The following HS3ST4 variants were observed in gnomAD, a reference collection of about 807,000 sequenced individuals.
HS3ST4 encodes heparan sulfate glucosamine 3-O-sulfotransferase 4.
HS3ST4 carries 17 observed loss-of-function variants against 29.2 expected under a neutral mutation model. That is an observed-to-expected ratio of 0.58 (90% CI 0.40 to 0.87). The LOEUF (loss-of-function observed/expected upper bound fraction) is 0.87. Among genes scored for constraint, HS3ST4 ranks in the 40% least tolerant of loss-of-function variants. The pLI, the probability that HS3ST4 is intolerant of heterozygous loss-of-function variation, is 0.00. For synonymous variants in HS3ST4, 314 were observed against 285.7 expected, an observed-to-expected ratio of 1.10 and a Z score of -1.00; for missense variants, 627 against 634.5, an observed-to-expected ratio of 0.99 and a Z score of 0.13.
At chr16:26,066,798 C>T (rs566010756) in intron 1 of HS3ST4, among the ~76,000 whole-genome samples, 1 of 152,352 alleles carries the variant, frequency 6.6e-6, no homozygotes, top group East Asian at 1.9e-4. Flanking sequence ...GAGCCTCACT[C>T]TACATTCTTT....
chr16:26,091,871 A>G (rs1898861044), intron 1 of HS3ST4, among the ~76,000 whole-genome samples: 1 of 152,146 alleles, frequency 6.6e-6, no homozygotes, highest in South Asian at 2.1e-4. Context: ...ATATTTATTG[A>G]GCGCCTGCTC....
At chr16:25,762,799 C>T (rs1047996658) in intron 1 of HS3ST4, among the ~76,000 whole-genome samples, 2 of 144,350 alleles carry the variant, frequency 1.4e-5, no homozygotes, top group South Asian at 4.4e-4. Context: ...ATCCTTTGAA[C>T]TCAGGAGGTT....
At chr16:25,906,478 T>G (rs1968182099) in intron 1 of HS3ST4, among the ~76,000 whole-genome samples, 1 of 152,218 alleles carries the variant, frequency 6.6e-6, no homozygotes, top group Non-Finnish European at 1.5e-5. Flanking sequence ...GGATCCAGGA[T>G]GCTGGGTTAG....
intron 1 of HS3ST4, 42 bp downstream of exon 1, chr16:25,693,193 G>A: frequency 1.3e-6 from 2 of 1,503,890 alleles, no homozygotes; most frequent in Middle Eastern, 3.9e-4. Flanking sequence ...ACGCGTGGGG[G>A]AGACGCGGAG....
intron 1 of HS3ST4, among the ~76,000 whole-genome samples, chr16:25,953,356 C>T (rs1028341841): frequency 3.3e-5 from 5 of 152,332 alleles, no homozygotes; most frequent in African/African-American, 1.2e-4. Flanking sequence ...TGAACAGTGA[C>T]AAGCTGGCTT....
intron 1 of HS3ST4, among the ~76,000 whole-genome samples, chr16:25,906,182 C>T (rs537132146): frequency 3.9e-5 from 6 of 152,228 alleles, no homozygotes; most frequent in Admixed American, 6.5e-5. Flanking sequence ...ATCTTTTGTC[C>T]TTGATCCTAA....
intron 1 of HS3ST4, among the ~76,000 whole-genome samples, chr16:25,764,925 G>T (rs1179131621): frequency 6.6e-6 from 1 of 152,200 alleles, no homozygotes; most frequent in Admixed American, 6.5e-5. Context: ...CCGGCAAGAG[G>T]CTACCTTCTG....
chr16:26,066,268 A>G (rs2141773670), intron 1 of HS3ST4, among the ~76,000 whole-genome samples: 1 of 152,346 alleles, frequency 6.6e-6, no homozygotes, highest in East Asian at 1.9e-4. Context: ...TAGATAAAGG[A>G]AGTCCTACAT....
chr16:26,005,392 G>C (rs765539219), intron 1 of HS3ST4, among the ~76,000 whole-genome samples: 41 of 152,142 alleles, frequency 2.7e-4, no homozygotes, highest in Non-Finnish European at 5.1e-4. Flanking sequence ...ACTAAGTGAC[G>C]GGAGATAAGC....
intron 1 of HS3ST4, among the ~76,000 whole-genome samples, chr16:25,815,662 G>A (rs571169315): frequency 6.6e-6 from 1 of 152,302 alleles, no homozygotes; most frequent in South Asian, 2.1e-4. Flanking sequence ...ATATATGACT[G>A]TATGAACCCT....
chr16:25,920,329 C>G (rs1968333981), intron 1 of HS3ST4, among the ~76,000 whole-genome samples: 1 of 152,156 alleles, frequency 6.6e-6, no homozygotes, highest in South Asian at 2.1e-4. Flanking sequence ...TATGGTCTGT[C>G]ATCTGGCTCC....
chr16:25,740,735 T>G (rs548173481), intron 1 of HS3ST4, among the ~76,000 whole-genome samples: 165 of 152,150 alleles, frequency 1.1e-3, no homozygotes, highest in Non-Finnish European at 2.2e-3. Flanking sequence ...TCCCTGATAC[T>G]CATAAGGAAA....
intron 1 of HS3ST4, among the ~76,000 whole-genome samples, chr16:25,894,298 T>A (rs1004716534): frequency 6.6e-6 from 1 of 152,066 alleles, no homozygotes; most frequent in Non-Finnish European, 1.5e-5. Flanking sequence ...AATAAAACAG[T>A]CTAGTATGCA....
intron 1 of HS3ST4, among the ~76,000 whole-genome samples, chr16:25,942,626 C>CT (rs1025516216): frequency 6.4e-5 from 9 of 141,238 alleles, no homozygotes; most frequent in East Asian, 2.1e-4. Context: ...TTTTTCTTTC[C>CT]TTTTTTTTTA....
intron 1 of HS3ST4, among the ~76,000 whole-genome samples, chr16:25,809,543 CCTCTT>C (rs1322291176): frequency 6.6e-6 from 1 of 152,018 alleles, no homozygotes; most frequent in African/African-American, 2.4e-5. Flanking sequence ...AGTGGTTTCT[CCTCTT>C]CTATATTTGG....
chr16:25,828,290 T>C (rs1486447845), intron 1 of HS3ST4, among the ~76,000 whole-genome samples: 710 of 69,352 alleles, frequency 0.01, 38 homozygotes, highest in South Asian at 0.036. Flanking sequence ...CTTTCTTTCT[T>C]TCTTTCTTTC....
intron 1 of HS3ST4, among the ~76,000 whole-genome samples, chr16:25,854,994 G>T (rs1967561103): frequency 6.6e-6 from 1 of 152,066 alleles, no homozygotes; most frequent in African/African-American, 2.4e-5. Context: ...ATTTTGGGGA[G>T]ATAGAAATAC....
Position 26,125,135 on chromosome 16 carries a change from G to A in HS3ST4, c.735-10477G>A, listed in dbSNP as rs182004166. ...ATTCTCTCTCTTCCTCTTTCTGGTT[G>A]GTAGCTCTTCTGATAGTCTGCTCTC... On this transcript the variant is annotated intron_variant, in intron 1 of 1. Transcript: ENST00000331351. Among the ~76,000 whole-genome samples, 187 of 152,232 alleles carry A rather than the reference G, an allele frequency of 1.2e-3. 2 individuals carry two copies. The highest frequency in any genetic ancestry group is 0.01 in the Middle Eastern group (3 of 294).
chr16:25,706,742 G>T (rs950956889), intron 1 of HS3ST4, among the ~76,000 whole-genome samples: 1 of 152,134 alleles, frequency 6.6e-6, no homozygotes, highest in African/African-American at 2.4e-5. Context: ...TGGCAAAGGG[G>T]AATTAGGTTG....
Sources: gnomAD v4.1 joint callset for allele counts (sites outside exome capture counted in the v4.1 genomes callset) on GRCh38, gnomAD v4.1.1 for gene constraint, MANE v1.5 for transcripts, NCBI Gene and HGNC (gene_info 2026-07-23, HGNC 2026-07-21) for gene names.